The following FSD2 variants were observed in gnomAD, a reference collection of about 807,000 sequenced individuals.
FSD2 encodes fibronectin type III and SPRY domain-containing protein 2.
Under a neutral mutation model 80.4 loss-of-function variants are expected in FSD2, and 71 were observed. That is an observed-to-expected ratio of 0.88 (90% CI 0.73 to 1.08). FSD2 has a LOEUF of 1.08. Ranked by LOEUF, FSD2 falls within the 50% of genes least tolerant of loss-of-function variation. The pLI, the probability that FSD2 is intolerant of heterozygous loss-of-function variation, is 0.00. For missense variants in FSD2, 923 were observed against 913.8 expected (o/e 1.01, Z -0.13); for synonymous variants, 361 against 329.5 (o/e 1.10, Z -1.03).
At chr15:82,767,222 C>A (rs989938270) in intron 9 of FSD2, among the ~76,000 whole-genome samples, 5 of 152,148 alleles carry the variant, frequency 3.3e-5, no homozygotes, top group African/African-American at 1.2e-4. Flanking sequence ...AGATGGTAAC[C>A]AAGACAAGTT....
Position 82,781,490 on chromosome 15 carries a change from C to T in FSD2, c.967-1223G>A, listed in dbSNP as rs1048675928. Among the ~76,000 whole-genome samples the T allele has an allele frequency of 5.3e-4, 81 of 152,256 alleles. 1 individual carries two copies. The highest frequency in any genetic ancestry group is 1.8e-3 in the African/African-American group (73 of 41,548). On this transcript the variant is annotated intron_variant, in intron 4 of 12. Coordinates refer to ENST00000334574, the MANE Select transcript of FSD2 (RefSeq NM_001007122.4). The stretch of plus-strand genomic sequence containing the variant: ...CTGGAGGCTGAAGGCCCCTCCCCCA[C>T]GCCCTGGACACCACATCTTCCCCCT...
chr15:82,760,175 A>G (rs933553260), intron 12 of FSD2, among the ~76,000 whole-genome samples: 1 of 152,230 alleles, frequency 6.6e-6, no homozygotes, highest in African/African-American at 2.4e-5. Context: ...ACTCTCTTTC[A>G]TCTAAACTAG....
chr15:82,805,549 A>G (rs2050507760), intron 1 of FSD2, among the ~76,000 whole-genome samples: 1 of 152,130 alleles, frequency 6.6e-6, no homozygotes, highest in Non-Finnish European at 1.5e-5. Context: ...ATTTGAATCA[A>G]TGCATGAAGT....
At chr15:82,797,251 T>C (rs919700273) in intron 1 of FSD2, among the ~76,000 whole-genome samples, 1 of 152,218 alleles carries the variant, frequency 6.6e-6, no homozygotes, top group Admixed American at 6.5e-5. Context: ...CACTATGTAC[T>C]TTTTGAAACA....
chr15:82,776,836 A>G (rs1254014770), intron 6 of FSD2, among the ~76,000 whole-genome samples: 1 of 152,248 alleles, frequency 6.6e-6, no homozygotes, highest in Non-Finnish European at 1.5e-5. Context: ...AAAATATATT[A>G]CAAAGCTACA....
chr15:82,800,561 G>A (rs978546820), intron 1 of FSD2, among the ~76,000 whole-genome samples: 4 of 151,726 alleles, frequency 2.6e-5, no homozygotes, highest in African/African-American at 9.7e-5. Flanking sequence ...GCGTCGTGGT[G>A]GGTGCCTGTA....
chr15:82,778,962 C>G lies in FSD2; in HGVS notation c.990-75G>C, dbSNP rs2049787508. ...AGGGTATATATATAGTGCTGAGTCACTGTCATAAATGAAGAGGGGCTCTTT... is the reference window on the plus strand; with the variant it reads ...AGGGTATATATATAGTGCTGAGTCAGTGTCATAAATGAAGAGGGGCTCTTT... On this transcript the variant is annotated intron_variant, in intron 5 of 12. Coordinates refer to ENST00000334574, the MANE Select transcript of FSD2 (RefSeq NM_001007122.4). 1.1e-5 allele frequency: 17 copies of G among 1,521,580 alleles called. No homozygotes were observed. In the South Asian group the frequency reaches 2.1e-4, roughly 19 times the overall value. The allele number at this position is 1,521,580 out of a possible 1,614,324, so 94.3% of individuals were successfully genotyped here.
chr15:82,782,103 AT>A (rs2049876700), intron 4 of FSD2, among the ~76,000 whole-genome samples: 1 of 133,526 alleles, frequency 7.5e-6, no homozygotes, highest in African/African-American at 2.8e-5. Flanking sequence ...AATAATAATA[AT>A]AAAACTCTTG....
chr15:82,781,552 T>C (rs2049855405), intron 4 of FSD2, among the ~76,000 whole-genome samples: 1 of 152,188 alleles, frequency 6.6e-6, no homozygotes, highest in African/African-American at 2.4e-5. Context: ...CTGACTGAGA[T>C]TGAAATTCCC....
intron 6 of FSD2, 150 bp from the exon 7 acceptor site, chr15:82,772,378 C>T: frequency 1.3e-6 from 1 of 764,914 alleles, no homozygotes; most frequent in Non-Finnish European, 2.1e-6. Flanking sequence ...TGGGGACATA[C>T]AGCCTCTCAA....
At position 82,787,451 on chromosome 15, in the gene FSD2, A is replaced by G. The variant is rs990088638; in HGVS notation, c.-61T>C. On this transcript the variant is annotated 5_prime_UTR_variant, in exon 2 of 13. Coordinates refer to ENST00000334574, the MANE Select transcript of FSD2 (RefSeq NM_001007122.4). ...AAGAAAGATCCTTCCTGGACACTTAATAGTGAATATCTGGGCCCTGGAACA... is the reference window on the plus strand; with the variant it reads ...AAGAAAGATCCTTCCTGGACACTTAGTAGTGAATATCTGGGCCCTGGAACA... The G allele has an allele frequency of 6.8e-7, 1 of 1,475,966 alleles. No homozygotes were observed. Among genetic ancestry groups the G allele is most frequent in the Non-Finnish European group, 9.1e-7 (1 of 1,098,590 alleles). The allele number at this position is 1,475,966 out of a possible 1,614,324, so 91.4% of individuals were successfully genotyped here.
chr15:82,772,498 G>A (rs1329440778), intron 6 of FSD2, among the ~76,000 whole-genome samples: 1 of 152,178 alleles, frequency 6.6e-6, no homozygotes, highest in Non-Finnish European at 1.5e-5. Context: ...CATAGATTGC[G>A]AGTCCTGCTC....
At chr15:82,790,400 A>G (rs536326624) in intron 1 of FSD2, among the ~76,000 whole-genome samples, 37 of 152,124 alleles carry the variant, frequency 2.4e-4, no homozygotes, top group Non-Finnish European at 4.9e-4. Context: ...AGCCTTTCCT[A>G]GCTGCCTCCC....
chr15:82,784,064 G>A (rs1174846203), intron 3 of FSD2, among the ~76,000 whole-genome samples: 11 of 152,046 alleles, frequency 7.2e-5, no homozygotes, highest in Admixed American at 7.2e-4. Context: ...CAATCATTCA[G>A]GGAGTAATTA....
intron 12 of FSD2, among the ~76,000 whole-genome samples, chr15:82,761,344 G>T (rs540383567): frequency 6.6e-6 from 1 of 152,164 alleles, no homozygotes; most frequent in Non-Finnish European, 1.5e-5. Flanking sequence ...CCTGGGCTTC[G>T]TGAGACTTTT....
chr15:82,771,079 TTTACTC>T (rs1471856082), intron 7 of FSD2, among the ~76,000 whole-genome samples: 1 of 151,992 alleles, frequency 6.6e-6, no homozygotes, highest in Non-Finnish European at 1.5e-5. Context: ...ATCACTTAAA[TTTACTC>T]TTACTTTTCT....
intron 1 of FSD2, among the ~76,000 whole-genome samples, chr15:82,796,007 T>C (rs867686487): frequency 0.012 from 1,715 of 148,954 alleles, 37 homozygotes; most frequent in African/African-American, 0.041. Flanking sequence ...TTTCTTTTTT[T>C]TTTTTTTTTT....
chr15:82,765,239 C>T lies in FSD2; in HGVS notation c.1747G>A (p.Gly583Arg), dbSNP rs560902570. 12 of 1,612,640 alleles carry T rather than the reference C, an allele frequency of 7.4e-6. No individual in the cohort carries two copies. Among genetic ancestry groups the T allele is most frequent in the South Asian group, 3.3e-5 (3 of 90,832 alleles). ...CHPWLTISED[G>R]LTAVRSERRT... is the part of the protein sequence containing the mutation. ...CTTTCACTTCGTACAGCCGTAAGTC[C>T]GTCTTCAGAAATGGTCAGCCAGGGA... Residue 583 changes from glycine to arginine, a missense_variant, in exon 11 of 13, where the codon GGA (glycine) becomes AGA (arginine). Coordinates refer to ENST00000334574, the MANE Select transcript of FSD2 (RefSeq NM_001007122.4).
In FSD2 at chr15:82,800,691, C is replaced by CAAAAAAAAAAAAA. The variant is rs769762172; in HGVS notation, c.-79+5262_-79+5274dup. On this transcript the variant is annotated intron_variant, in intron 1 of 12. Transcript: ENST00000334574. Reference sequence around the variant, plus strand: ...TGGGGGATAGAGCGAGATTCTGTCTCAAAAAAAAAAAAAAAAAAAAAAGCC... The same window carrying CAAAAAAAAAAAAA: ...TGGGGGATAGAGCGAGATTCTGTCTCAAAAAAAAAAAAAAAAAAAAAAAAAAAAAAAAAAAGCC... Among the ~76,000 whole-genome samples, 155 of 47,814 alleles carry CAAAAAAAAAAAAA rather than the reference C, an allele frequency of 3.2e-3. 14 individuals carry two copies. Among genetic ancestry groups the CAAAAAAAAAAAAA allele is most frequent in the Middle Eastern group, 0.038 (2 of 52 alleles). The allele number at this position is 47,814 out of a possible 152,430, so 31.4% of individuals were successfully genotyped here.
Sources: gnomAD v4.1 joint callset for allele counts (sites outside exome capture counted in the v4.1 genomes callset) on GRCh38, gnomAD v4.1.1 for gene constraint, MANE v1.5 for transcripts, NCBI Gene and HGNC (gene_info 2026-07-23, HGNC 2026-07-21) for gene names.